Variants in CUX1 observed in about 807,000 individuals in gnomAD.
The protein encoded by CUX1 is protein CASP.
CUX1 carries 31 observed loss-of-function variants against 158.8 expected under a neutral mutation model. The ratio of observed to expected loss-of-function variants is 0.20; its 90% CI spans 0.15 to 0.26. The LOEUF (loss-of-function observed/expected upper bound fraction) is 0.26, where lower values mean the gene tolerates loss of function less well. Ranked by LOEUF, CUX1 falls within the 10% of genes least tolerant of loss-of-function variation. CUX1 has a pLI of 1.00. For synonymous variants in CUX1, 879 were observed against 862.1 expected (o/e 1.02, Z -0.34); for missense variants, 1,589 against 2,014.6 (o/e 0.79, Z 4.04).
In CUX1 at chr7:102,078,699, G is replaced by A. The variant is rs993339866; in HGVS notation, c.268+8282G>A. 4.6e-5 allele frequency among the ~76,000 whole-genome samples: 7 copies of A among 152,254 alleles called. No homozygotes were observed. In the East Asian group the frequency reaches 7.7e-4, roughly 17 times the overall value. On this transcript the variant is annotated intron_variant, in intron 4 of 23. Coordinates refer to ENST00000292535, the MANE Select transcript of CUX1 (RefSeq NM_181552.4). ...GAAGTCGCTGTTTCGTGACTGACTCGTCTCCCTTTATTTCCATAGGTTAAC... is the reference window on the plus strand; with the variant it reads ...GAAGTCGCTGTTTCGTGACTGACTCATCTCCCTTTATTTCCATAGGTTAAC...
At chr7:102,073,502 C>G (rs1398591378) in intron 4 of CUX1, among the ~76,000 whole-genome samples, 1 of 152,180 alleles carries the variant, frequency 6.6e-6, no homozygotes. Flanking sequence ...AACCTATAAT[C>G]TCTTTTCAAA....
intron 8 of CUX1, among the ~76,000 whole-genome samples, chr7:102,144,760 C>T (rs1554501526): frequency 6.6e-6 from 1 of 151,344 alleles, no homozygotes; most frequent in African/African-American, 2.4e-5. Flanking sequence ...TTCTAGTTGC[C>T]CCCAAACTTC....
chr7:102,201,346 G>T lies in CUX1; in HGVS notation c.2063-14G>T. 2 of 1,608,962 alleles carry T rather than the reference G, an allele frequency of 1.2e-6. No individual in the cohort carries two copies. Among genetic ancestry groups the T allele is most frequent in the Non-Finnish European group, 1.7e-6 (2 of 1,176,836 alleles). ...GCCGCCCTGCCACACTCTCACCCCTGTTTCTCCATGCAGCAGAGCCGGCCC... is the reference window on the plus strand; with the variant it reads ...GCCGCCCTGCCACACTCTCACCCCTTTTTCTCCATGCAGCAGAGCCGGCCC... On this transcript the variant is annotated splice_polypyrimidine_tract_variant and intron_variant, in intron 17 of 23. Coordinates refer to ENST00000292535, the MANE Select transcript of CUX1 (RefSeq NM_181552.4). The surrounding 1 kb of genome is among the most constrained non-coding windows in gnomAD (Gnocchi z 5.0).
At chr7:101,863,330 T>A (rs1034149584) in intron 1 of CUX1, among the ~76,000 whole-genome samples, 2 of 151,954 alleles carry the variant, frequency 1.3e-5, no homozygotes, top group Non-Finnish European at 2.9e-5. Context: ...GTCTTTGTCT[T>A]TTGAGAGTTC....
At position 102,250,269 on chromosome 7, in the gene CUX1, G is replaced by A; in HGVS notation, c.*1227G>A. 1.0e-6 allele frequency: 1 copy of A among 985,412 alleles called. No individual in the cohort carries two copies. Among genetic ancestry groups the A allele is most frequent in the Non-Finnish European group, 1.2e-6 (1 of 829,974 alleles). 61.0% of individuals were successfully genotyped at this position (985,412 alleles called of 1,614,324 possible). ...TGTGCAAGCATTGAAAGAAAGGAGAGAGTAGTCCGGGCGAGCACAGCAGGC... is the reference window on the plus strand; with the variant it reads ...TGTGCAAGCATTGAAAGAAAGGAGAAAGTAGTCCGGGCGAGCACAGCAGGC... On this transcript the variant is annotated 3_prime_UTR_variant, in exon 24 of 24. Coordinates refer to ENST00000292535, the MANE Select transcript of CUX1 (RefSeq NM_181552.4).
chr7:102,249,434 CAAGGAA>C lies in CUX1; in HGVS notation c.*393_*398del, dbSNP rs1801242482. 13 of 986,702 alleles carry C rather than the reference CAAGGAA, an allele frequency of 1.3e-5. No homozygotes were observed. Among genetic ancestry groups the C allele is most frequent in the Non-Finnish European group, 1.4e-5 (12 of 830,524 alleles). 61.1% of individuals were successfully genotyped at this position (986,702 alleles called of 1,614,324 possible). On this transcript the variant is annotated 3_prime_UTR_variant, in exon 24 of 24. Transcript: ENST00000292535. ...TTAAGCCCAATCTATGTCGTGTTTT[CAAGGAA>C]GAAAACGGAAATGTGTGGTCGAGCT... is the stretch of plus-strand genomic sequence containing the variant.
chr7:102,073,237 G>C (rs1230645339), intron 4 of CUX1, among the ~76,000 whole-genome samples: 1 of 128,978 alleles, frequency 7.8e-6, no homozygotes, highest in Admixed American at 9.5e-5. Flanking sequence ...GCAGTGACGT[G>C]ATCTTGGCTC....
chr7:102,168,004 G>A (rs1376237840), intron 9 of CUX1, among the ~76,000 whole-genome samples: 1 of 151,960 alleles, frequency 6.6e-6, no homozygotes, highest in South Asian at 2.1e-4. Context: ...CTTGAACCCG[G>A]GAGGCGGAGG....
chr7:102,067,229 CTT>C (rs34912215), intron 3 of CUX1, among the ~76,000 whole-genome samples: 9 of 94,032 alleles, frequency 9.6e-5, no homozygotes, highest in Admixed American at 8.6e-4. Context: ...TTTCATGTAA[CTT>C]TTTTTTTTTT....
chr7:102,108,736 T>TTGTGTGTGTGTGTGTGTGTGTGTGTGTG (rs10527026), intron 6 of CUX1, among the ~76,000 whole-genome samples: 4 of 144,970 alleles, frequency 2.8e-5, no homozygotes, highest in African/African-American at 5.2e-5. Context: ...TTCATTCATT[T>TTGTGTGTGTGTGTGTGTGTGTGTGTGTG]TGTGTGTGTG....
In CUX1 at chr7:102,253,800, A is replaced by G. The variant is rs1554541031; in HGVS notation, c.*4758A>G. ...AGGGCGAGATGTAGCAACACGGGGC[A>G]TGAGCGGTGGGCGTGCTGGGCTATT... is the stretch of plus-strand genomic sequence containing the variant. On this transcript the variant is annotated 3_prime_UTR_variant, in exon 24 of 24. Coordinates refer to ENST00000292535, the MANE Select transcript of CUX1 (RefSeq NM_181552.4). 5.1e-6 allele frequency: 5 copies of G among 985,476 alleles called. No individual in the cohort carries two copies. The highest frequency in any genetic ancestry group is 6.0e-6 in the Non-Finnish European group (5 of 830,058). 61.0% of individuals were successfully genotyped at this position (985,476 alleles called of 1,614,324 possible). A position where few individuals can be genotyped will look rare whatever the true frequency, so the allele number is the denominator to read the frequency against.
At chr7:102,104,538 T>C (rs752821466) in intron 6 of CUX1, 79 bp downstream of exon 6, 1 of 1,543,926 alleles carries the variant, frequency 6.5e-7, no homozygotes, top group Non-Finnish European at 8.8e-7. Flanking sequence ...TGTTGATAAA[T>C]GGATCTGCAA....
At chr7:101,941,151 C>T (rs954360948) in intron 2 of CUX1, among the ~76,000 whole-genome samples, 10 of 152,212 alleles carry the variant, frequency 6.6e-5, no homozygotes, top group Non-Finnish European at 1.0e-4. Context: ...AGCCTGTTCC[C>T]GTCAACCTGA....
chr7:101,885,528 C>T (rs111307135), intron 1 of CUX1, among the ~76,000 whole-genome samples: 1 of 152,262 alleles, frequency 6.6e-6, no homozygotes, highest in African/African-American at 2.4e-5. Context: ...CACTGCTCTC[C>T]AGCCTGGGCG....
intron 11 of CUX1, among the ~76,000 whole-genome samples, chr7:102,180,455 C>T (rs971132653): frequency 7.3e-5 from 11 of 151,398 alleles, no homozygotes; most frequent in African/African-American, 2.4e-4. Flanking sequence ...GTAACTGGGA[C>T]CCTGGGACCA....
At chr7:102,211,351 C>T (rs142661666) in intron 20 of CUX1, among the ~76,000 whole-genome samples, 50 of 152,128 alleles carry the variant, frequency 3.3e-4, no homozygotes, top group African/African-American at 1.0e-3. Flanking sequence ...GAGGCTGAGG[C>T]AAGAGTATCA....
intron 11 of CUX1, among the ~76,000 whole-genome samples, chr7:102,181,140 C>T (rs972202098): frequency 2.0e-5 from 3 of 151,784 alleles, no homozygotes; most frequent in Non-Finnish European, 4.4e-5. Flanking sequence ...GGGATTTCTC[C>T]GTGTTGGTCA....
At chr7:102,173,223 G>C (rs1554510908) in intron 10 of CUX1, among the ~76,000 whole-genome samples, 1 of 152,178 alleles carries the variant, frequency 6.6e-6, no homozygotes, top group African/African-American at 2.4e-5. Context: ...AGCTGGGTGT[G>C]ATGGTGGGCG....
At chr7:102,158,452 GGGTCT>G in intron 8 of CUX1, 103 bp from the exon 9 acceptor site, 1 of 1,024,708 alleles carries the variant, frequency 9.8e-7, no homozygotes, top group Non-Finnish European at 1.5e-6. Context: ...ATTGACTCAC[GGGTCT>G]GCACAGCCCT....
Sources: gnomAD v4.1 joint callset for allele counts (sites outside exome capture counted in the v4.1 genomes callset) on GRCh38, gnomAD v4.1.1 for gene constraint, Gnocchi (gnomAD v3.1) non-coding constraint, MANE v1.5 for transcripts, NCBI Gene and HGNC (gene_info 2026-07-23, HGNC 2026-07-21) for gene names.